The following DENND2A variants were observed in gnomAD, a reference collection of about 807,000 sequenced individuals.
The protein encoded by DENND2A is DENN domain-containing protein 2A.
DENND2A carries 53 observed loss-of-function variants against 105.3 expected under a neutral mutation model. The observed-to-expected ratio is 0.50, with a 90% CI of 0.40 to 0.63. The LOEUF (loss-of-function observed/expected upper bound fraction) is 0.63, where lower values mean the gene tolerates loss of function less well. DENND2A is among the 30% of genes least tolerant of loss of function. The pLI is 0.00. For missense variants in DENND2A, 1,138 were observed against 1,279.6 expected, an observed-to-expected ratio of 0.89 and a Z score of 1.69; for synonymous variants, 522 against 508.4, an observed-to-expected ratio of 1.03 and a Z score of -0.36.
At position 140,601,640 on chromosome 7, in the gene DENND2A, C is replaced by A. The variant is rs772645341; in HGVS notation, c.758G>T (p.Gly253Val). Reference sequence around the variant, plus strand: ...GGGCTTTGTGGGGGAACCCTCCGAGCCCCTATACACGTTCTCAAGGCTCCG... The same window carrying A: ...GGGCTTTGTGGGGGAACCCTCCGAGACCCTATACACGTTCTCAAGGCTCCG... ...WDRSLENVYR[G>V]SEGSPTKPFI... The change falls in exon 3 of 20, where the codon GGC becomes GTC. Residue 253 changes from glycine to valine, a missense_variant. Around this residue, in one of 2 missense-constraint regions of DENND2A, gnomAD observed 511 missense variants for 499.9 expected, o/e 1.02. Transcript: ENST00000496613. The A allele has an allele frequency of 6.2e-7, 1 of 1,612,052 alleles. No individual in the cohort carries two copies. The highest frequency in any genetic ancestry group is 8.5e-7 in the Non-Finnish European group (1 of 1,178,524).
intron 14 of DENND2A, among the ~76,000 whole-genome samples, chr7:140,539,710 G>C (rs542342271): frequency 6.6e-6 from 1 of 152,216 alleles, no homozygotes; most frequent in Admixed American, 6.5e-5. Flanking sequence ...CTCAGAAGGC[G>C]CCCGGCACAG....
At chr7:140,632,729 C>T (rs183663678) in intron 1 of DENND2A, among the ~76,000 whole-genome samples, 11 of 151,506 alleles carry the variant, frequency 7.3e-5, no homozygotes, top group Admixed American at 1.3e-4. Flanking sequence ...CCTCCACACC[C>T]GGCTAATTTT....
At chr7:140,546,691 A>G in intron 13 of DENND2A, 108 bp downstream of exon 13, 1 of 1,393,468 alleles carries the variant, frequency 7.2e-7, no homozygotes, top group South Asian at 1.4e-5. Flanking sequence ...TGGGGAGAAG[A>G]CACCAAGGAA....
chr7:140,521,733 TG>T (rs1795866792), intron 18 of DENND2A, 121 bp downstream of exon 18: 5 of 1,493,992 alleles, frequency 3.3e-6, no homozygotes, highest in African/African-American at 1.4e-5. Flanking sequence ...GCAAGCTCTC[TG>T]GGGGAGATGG....
intron 18 of DENND2A, 140 bp downstream of exon 18, chr7:140,521,710 TCAGGG>T (rs1795866285): frequency 7.4e-7 from 1 of 1,354,376 alleles, no homozygotes. Context: ...ACCAGCTCAG[TCAGGG>T]CATAACTGCA....
chr7:140,528,362 C>A (rs1796137337), intron 14 of DENND2A, among the ~76,000 whole-genome samples: 1 of 152,186 alleles, frequency 6.6e-6, no homozygotes, highest in African/African-American at 2.4e-5. Flanking sequence ...GGGAAAAGGA[C>A]AGAAAACTCC....
chr7:140,634,730 G>C (rs1415575797), intron 1 of DENND2A, among the ~76,000 whole-genome samples: 2 of 152,134 alleles, frequency 1.3e-5, no homozygotes, highest in Non-Finnish European at 2.9e-5. Flanking sequence ...AAACTAGCCA[G>C]GTGAGGTGGT....
intron 9 of DENND2A, among the ~76,000 whole-genome samples, chr7:140,564,997 T>C (rs922485213): frequency 6.6e-6 from 1 of 152,170 alleles, no homozygotes; most frequent in African/African-American, 2.4e-5. Context: ...AGAGGTGTGA[T>C]AGCTAGAGGA....
chr7:140,563,762 T>A (rs1305120729), intron 9 of DENND2A, among the ~76,000 whole-genome samples: 1 of 138,188 alleles, frequency 7.2e-6, no homozygotes, highest in Admixed American at 8.0e-5. Context: ...TCGCTTGAGC[T>A]CAGGAATTCG....
At chr7:140,633,264 G>A (rs112282284) in intron 1 of DENND2A, among the ~76,000 whole-genome samples, 2,216 of 151,808 alleles carry the variant, frequency 0.015, 39 homozygotes, top group African/African-American at 0.051. Context: ...TCCTGACCTC[G>A]TGATCCACCC....
chr7:140,570,237 C>G (rs1383995638), intron 6 of DENND2A, among the ~76,000 whole-genome samples: 4 of 152,158 alleles, frequency 2.6e-5, no homozygotes, highest in African/African-American at 9.7e-5. Context: ...CTGTCAAGGA[C>G]ACTAAAGGAG....
At chr7:140,587,588 C>A in intron 4 of DENND2A, 65 bp downstream of exon 4, 1 of 1,604,120 alleles carries the variant, frequency 6.2e-7, no homozygotes, top group Non-Finnish European at 8.5e-7. Flanking sequence ...AGCAGCCAGC[C>A]CCATTCTCCC....
chr7:140,611,968 C>T (rs1001543729), intron 1 of DENND2A, among the ~76,000 whole-genome samples: 6 of 152,228 alleles, frequency 3.9e-5, no homozygotes, highest in Admixed American at 2.6e-4. Flanking sequence ...TGGCTGAGTG[C>T]GGTGGCTCAC....
intron 1 of DENND2A, among the ~76,000 whole-genome samples, chr7:140,633,767 C>A (rs1041568946): frequency 6.6e-6 from 1 of 151,972 alleles, no homozygotes; most frequent in South Asian, 2.1e-4. Flanking sequence ...TGGGACAACA[C>A]GGAAGACAAT....
intron 14 of DENND2A, among the ~76,000 whole-genome samples, chr7:140,534,081 ATTT>A (rs3042407): frequency 3.9e-4 from 31 of 80,096 alleles, no homozygotes; most frequent in Admixed American, 5.2e-4. Context: ...TGCCTGGTTA[ATTT>A]TTTTTTTTTT....
At chr7:140,546,191 G>A (rs1260218504) in intron 13 of DENND2A, among the ~76,000 whole-genome samples, 1 of 152,070 alleles carries the variant, frequency 6.6e-6, no homozygotes, top group South Asian at 2.1e-4. Context: ...AGGCTGAGGC[G>A]GGTGGATAAT....
intron 14 of DENND2A, among the ~76,000 whole-genome samples, chr7:140,540,691 C>T (rs568759504): frequency 4.0e-5 from 6 of 151,558 alleles, no homozygotes; most frequent in Non-Finnish European, 7.4e-5. Flanking sequence ...TCTCAGACGT[C>T]ACTGGGGCAG....
intron 12 of DENND2A, among the ~76,000 whole-genome samples, chr7:140,549,626 A>C (rs1797037627): frequency 6.6e-6 from 1 of 152,234 alleles, no homozygotes; most frequent in African/African-American, 2.4e-5. Context: ...GAAATAAAAT[A>C]ATATTTTGTA....
chr7:140,615,346 C>A (rs1156966834), intron 1 of DENND2A, among the ~76,000 whole-genome samples: 1 of 152,158 alleles, frequency 6.6e-6, no homozygotes, highest in African/African-American at 2.4e-5. Flanking sequence ...TGCCTCAGAA[C>A]AACACCGGGG....
Sources: allele counts gnomAD v4.1 joint callset (sites outside exome capture counted in the v4.1 genomes callset), GRCh38; gene constraint gnomAD v4.1.1; regional missense constraint gnomAD v4.1.1; transcripts MANE v1.5; gene names NCBI Gene and HGNC (gene_info 2026-07-23, HGNC 2026-07-21).